The following TASP1 variants were observed in gnomAD, a reference collection of about 807,000 sequenced individuals.
The protein encoded by TASP1 is taspase 1, also known as threonine aspartase 1.
Under a neutral mutation model 56.6 loss-of-function variants are expected in TASP1, and 16 were observed. The observed-to-expected ratio is 0.28, with a 90% CI of 0.19 to 0.43. TASP1 has a LOEUF of 0.43. Ranked by LOEUF, TASP1 falls within the 20% of genes least tolerant of loss-of-function variation. The pLI, the probability that TASP1 is intolerant of heterozygous loss-of-function variation, is 1.00. For missense variants in TASP1, 393 were observed against 511.6 expected, an observed-to-expected ratio of 0.77 and a Z score of 2.24; for synonymous variants, 179 against 184.2, an observed-to-expected ratio of 0.97 and a Z score of 0.23.
chr20:13,269,906 T>C, the TASP1 span, among the ~76,000 whole-genome samples: 2 of 152,088 alleles, frequency 1.3e-5, no homozygotes, highest in African/African-American at 4.8e-5. Flanking sequence ...TGGCATTTGA[T>C]GATTGGATGG....
At chr20:13,272,691 C>A in the TASP1 span, among the ~76,000 whole-genome samples, 296 of 152,336 alleles carry the variant, frequency 1.9e-3, no homozygotes, top group African/African-American at 6.8e-3. Context: ...GAAAAACAGG[C>A]CTTTGGCTCC....
At chr20:13,253,494 G>C in the TASP1 span, among the ~76,000 whole-genome samples, 1 of 152,302 alleles carries the variant, frequency 6.6e-6, no homozygotes, top group East Asian at 1.9e-4. Flanking sequence ...GTACCATTCA[G>C]AATGATAGCT....
At chr20:13,183,986 G>A in the TASP1 span, among the ~76,000 whole-genome samples, 11 of 147,246 alleles carry the variant, frequency 7.5e-5, no homozygotes, top group East Asian at 2.0e-4. Flanking sequence ...TCGAGATCAC[G>A]CCACTGCACT....
the TASP1 span, among the ~76,000 whole-genome samples, chr20:13,187,732 C>CAAA: frequency 3.9e-3 from 221 of 57,098 alleles, 1 homozygote; most frequent in Non-Finnish European, 4.2e-3. Flanking sequence ...GACTCCATCT[C>CAAA]AAAAAAAAAA....
chr20:13,327,219 A>C, the TASP1 span, among the ~76,000 whole-genome samples: 1 of 152,210 alleles, frequency 6.6e-6, no homozygotes. Context: ...CAATTGCTAC[A>C]AAAAGAATAA....
intron 2 of TASP1, among the ~76,000 whole-genome samples, chr20:13,628,826 G>A (rs2048987902): frequency 6.6e-6 from 1 of 152,212 alleles, no homozygotes; most frequent in African/African-American, 2.4e-5. Context: ...AACCTGGGCA[G>A]AGCAGCACTG....
chr20:13,373,143 G>C, the TASP1 span, among the ~76,000 whole-genome samples: 1 of 151,750 alleles, frequency 6.6e-6, no homozygotes, highest in Non-Finnish European at 1.5e-5. Context: ...TTATCATCTA[G>C]TATCATTTCC....
chr20:13,517,700 A>C (rs1440202477), intron 10 of TASP1, among the ~76,000 whole-genome samples: 1 of 152,160 alleles, frequency 6.6e-6, no homozygotes, highest in African/African-American at 2.4e-5. Context: ...AATCTCTAAG[A>C]TATATCAATT....
the TASP1 span, among the ~76,000 whole-genome samples, chr20:13,248,057 T>C: frequency 2.0e-5 from 3 of 152,168 alleles, no homozygotes; most frequent in Non-Finnish European, 4.4e-5. Context: ...AAGTTCCAGG[T>C]GGGCTATGTG....
intron 5 of TASP1, among the ~76,000 whole-genome samples, chr20:13,583,687 T>C (rs941725430): frequency 6.6e-5 from 10 of 152,162 alleles, no homozygotes; most frequent in African/African-American, 9.7e-5. Context: ...GACCTCAAAA[T>C]GGTATTACAT....
the TASP1 span, among the ~76,000 whole-genome samples, chr20:13,373,106 CTCTT>C: frequency 1.3e-5 from 2 of 151,892 alleles, no homozygotes; most frequent in Non-Finnish European, 2.9e-5. Context: ...ATTTCTAGTT[CTCTT>C]TATTTGTTCC....
chr20:13,351,398 A>T, the TASP1 span, among the ~76,000 whole-genome samples: 1 of 152,236 alleles, frequency 6.6e-6, no homozygotes, highest in Non-Finnish European at 1.5e-5. Context: ...CATCTGTATT[A>T]ATAAATTTCC....
the TASP1 span, among the ~76,000 whole-genome samples, chr20:13,353,189 T>C: frequency 6.7e-5 from 10 of 150,134 alleles, no homozygotes; most frequent in East Asian, 1.8e-3. Context: ...TGAGCTATGA[T>C]GGCACTACTA....
intron 8 of TASP1, among the ~76,000 whole-genome samples, chr20:13,551,419 A>G (rs2045979152): frequency 6.6e-6 from 1 of 152,190 alleles, no homozygotes; most frequent in African/African-American, 2.4e-5. Flanking sequence ...TTATTAAAGA[A>G]AAAGAGATGG....
intron 11 of TASP1, among the ~76,000 whole-genome samples, chr20:13,461,156 T>A (rs2044037339): frequency 6.6e-6 from 1 of 152,174 alleles, no homozygotes; most frequent in Non-Finnish European, 1.5e-5. Context: ...TTCCCTCCAC[T>A]GGCCACATGG....
At chr20:13,141,003 T>C in the TASP1 span, among the ~76,000 whole-genome samples, 1 of 152,180 alleles carries the variant, frequency 6.6e-6, no homozygotes, top group Non-Finnish European at 1.5e-5. Context: ...CAACCTTTGC[T>C]CTGGTCCCTG....
chr20:13,475,243 T>C (rs1249498662), intron 11 of TASP1, among the ~76,000 whole-genome samples: 1 of 152,234 alleles, frequency 6.6e-6, no homozygotes, highest in Non-Finnish European at 1.5e-5. Context: ...GGTGGCATAC[T>C]GACTGCATTC....
chr20:13,543,910 T>C (rs947594147), intron 8 of TASP1, among the ~76,000 whole-genome samples: 9 of 152,208 alleles, frequency 5.9e-5, no homozygotes, highest in Admixed American at 1.3e-4. Context: ...TTCTGATTAT[T>C]TCATATTTAG....
intron 11 of TASP1, among the ~76,000 whole-genome samples, chr20:13,464,074 A>G (rs1166620040): frequency 6.6e-6 from 1 of 152,086 alleles, no homozygotes; most frequent in African/African-American, 2.4e-5. Flanking sequence ...ATTATTCACA[A>G]CAGCCAAAGG....
Sources: allele counts gnomAD v4.1 joint callset (sites outside exome capture counted in the v4.1 genomes callset), GRCh38; gene constraint gnomAD v4.1.1; transcripts MANE v1.5; gene names NCBI Gene and HGNC (gene_info 2026-07-23, HGNC 2026-07-21).